PHF24: variants seen among roughly 807,000 people sequenced by gnomAD.
PHF24 encodes the protein Galpha inhibitory interacting protein.
PHF24 carries 25 observed loss-of-function variants against 42.6 expected under a neutral mutation model. The ratio of observed to expected loss-of-function variants is 0.59; its 90% CI spans 0.43 to 0.82. PHF24 has a LOEUF of 0.82. Ranked by LOEUF, PHF24 falls within the 40% of genes least tolerant of loss-of-function variation. The pLI is 0.00. For synonymous variants in PHF24, 185 were observed against 204.8 expected (o/e 0.90, Z 0.83); for missense variants, 470 against 538.1 (o/e 0.87, Z 1.25).
chr9:34,770,548 C>T, the PHF24 span, among the ~76,000 whole-genome samples: 7 of 152,114 alleles, frequency 4.6e-5, no homozygotes, highest in Admixed American at 2.0e-4. Flanking sequence ...TCTGTCTTGA[C>T]AACAGCTTTT....
the PHF24 span, among the ~76,000 whole-genome samples, chr9:34,757,197 C>A: frequency 6.6e-6 from 1 of 152,122 alleles, no homozygotes; most frequent in African/African-American, 2.4e-5. Flanking sequence ...GCCACTGCAC[C>A]CTGCCCCTCA....
the PHF24 span, among the ~76,000 whole-genome samples, chr9:34,890,654 G>A: frequency 6.6e-6 from 1 of 152,300 alleles, no homozygotes. Flanking sequence ...CCTTGGTTTA[G>A]CAATCTTTAG....
intron 3 of PHF24, among the ~76,000 whole-genome samples, chr9:34,975,059 G>A (rs541829928): frequency 5.3e-5 from 8 of 152,198 alleles, no homozygotes; most frequent in African/African-American, 1.9e-4. Flanking sequence ...AGACTCTGCC[G>A]CTCTAATCCA....
At chr9:34,719,926 G>A in the PHF24 span, among the ~76,000 whole-genome samples, 1 of 152,166 alleles carries the variant, frequency 6.6e-6, no homozygotes, top group Admixed American at 6.5e-5. Flanking sequence ...GACCATGTAT[G>A]GGCTGGGCCC....
the PHF24 span, among the ~76,000 whole-genome samples, chr9:34,756,918 C>G: frequency 4.0e-5 from 6 of 151,432 alleles, no homozygotes; most frequent in African/African-American, 1.5e-4. Flanking sequence ...CTTTTCTTTT[C>G]TTTTTTGAGA....
the PHF24 span, among the ~76,000 whole-genome samples, chr9:34,860,718 G>A: frequency 9.0e-3 from 1,370 of 151,412 alleles, 8 homozygotes; most frequent in Non-Finnish European, 0.014. Flanking sequence ...GCATGCACTC[G>A]TGTATGTATA....
chr9:34,849,720 G>A, the PHF24 span, among the ~76,000 whole-genome samples: 131 of 152,314 alleles, frequency 8.6e-4, no homozygotes, highest in African/African-American at 2.9e-3. Flanking sequence ...AATTTGGCAT[G>A]ATTTTGCAGT....
In PHF24 at chr9:34,968,955, G is replaced by C. The variant is rs559765894; in HGVS notation, c.-4-2340G>C. On this transcript the variant is annotated intron_variant, in intron 1 of 7. Coordinates refer to ENST00000242315, the Ensembl canonical transcript of PHF24. ...TGTGAGCACTCCGACCTGGACTGGA[G>C]TCAGCAGTGACTTCCCCAAGGAAAT... Among the ~76,000 whole-genome samples, 7 of 152,354 alleles carry C rather than the reference G, an allele frequency of 4.6e-5. No individual in the cohort carries two copies. The South Asian group carries it at 1.4e-3, about 32-fold the overall frequency.
the PHF24 span, among the ~76,000 whole-genome samples, chr9:34,740,190 C>T: frequency 1.7e-4 from 26 of 152,338 alleles, no homozygotes; most frequent in Admixed American, 7.2e-4. Flanking sequence ...GATTCCGCAC[C>T]GGGGCTGCGG....
the PHF24 span, among the ~76,000 whole-genome samples, chr9:34,684,437 T>C: frequency 6.6e-6 from 1 of 152,156 alleles, no homozygotes; most frequent in Non-Finnish European, 1.5e-5. Context: ...GAGAGGATGG[T>C]GCCCCCTGGA....
At chr9:34,891,575 G>A in the PHF24 span, among the ~76,000 whole-genome samples, 1 of 152,232 alleles carries the variant, frequency 6.6e-6, no homozygotes, top group Non-Finnish European at 1.5e-5. Context: ...GTCACAGGAT[G>A]AACTGGATAG....
chr9:34,894,914 T>TG, the PHF24 span: 7 of 396,952 alleles, frequency 1.8e-5, no homozygotes, highest in Non-Finnish European at 3.1e-5. Flanking sequence ...AAATTGTCCC[T>TG]GGGGGGTACT....
At chr9:34,927,655 A>T in the PHF24 span, among the ~76,000 whole-genome samples, 1 of 152,148 alleles carries the variant, frequency 6.6e-6, no homozygotes, top group Non-Finnish European at 1.5e-5. Flanking sequence ...GACTCTGGGC[A>T]CATCCAATCC....
chr9:34,781,118 C>A, the PHF24 span, among the ~76,000 whole-genome samples: 1 of 152,132 alleles, frequency 6.6e-6, no homozygotes, highest in Non-Finnish European at 1.5e-5. Flanking sequence ...ATATTCCACT[C>A]CTAGGTAAAT....
chr9:34,887,428 C>G, the PHF24 span, among the ~76,000 whole-genome samples: 3 of 152,178 alleles, frequency 2.0e-5, no homozygotes, highest in African/African-American at 7.2e-5. Context: ...TACCATGTGG[C>G]CCCTTACCAC....
rs370897376 is a variant in PHF24, at chr9:34,971,289, C to G, written c.-4-6C>G. The stretch of plus-strand genomic sequence containing the variant: ...GAACCTGTGCCCCTCTGCTTTTTGT[C>G]CACAGAGCCATGGGGGTGTTGATGT... On this transcript the variant is annotated splice_polypyrimidine_tract_variant and splice_region_variant and intron_variant, in intron 1 of 7. Coordinates refer to ENST00000242315, the Ensembl canonical transcript of PHF24. The G allele has an allele frequency of 1.7e-5, 27 of 1,582,644 alleles. No individual in the cohort carries two copies. Among genetic ancestry groups the G allele is most frequent in the Non-Finnish European group, 2.2e-5 (26 of 1,159,918 alleles).
At chr9:34,826,362 C>A in the PHF24 span, among the ~76,000 whole-genome samples, 1 of 152,228 alleles carries the variant, frequency 6.6e-6, no homozygotes, top group Non-Finnish European at 1.5e-5. Context: ...GCCATTCTGG[C>A]CCTTCCATCT....
At chr9:34,694,354 G>A in the PHF24 span, among the ~76,000 whole-genome samples, 1 of 150,652 alleles carries the variant, frequency 6.6e-6, no homozygotes, top group Non-Finnish European at 1.5e-5. Context: ...TTTTGAGATG[G>A]AGTTTCACCC....
At chr9:34,811,011 GA>G in the PHF24 span, among the ~76,000 whole-genome samples, 49,439 of 151,998 alleles carry the variant, frequency 0.33, 8,627 homozygotes, top group East Asian at 0.56. Flanking sequence ...ACCTTTGAAC[GA>G]AAGAATAAAG....
Sources: gnomAD v4.1 joint callset for allele counts (sites outside exome capture counted in the v4.1 genomes callset) on GRCh38, gnomAD v4.1.1 for gene constraint, MANE v1.5 for transcripts, NCBI Gene and HGNC (gene_info 2026-07-23, HGNC 2026-07-21) for gene names.